Variants in ADPRHL1 observed in about 807,000 individuals in gnomAD.
ADPRHL1 encodes the protein inactive ADP-ribosyltransferase ARH2.
In ADPRHL1, 43 loss-of-function variants were observed where a neutral mutation model predicts 44.1. The observed-to-expected ratio is 0.98, with a 90% confidence interval of 0.76 to 1.26. The LOEUF (loss-of-function observed/expected upper bound fraction) is 1.26, where lower values mean the gene tolerates loss of function less well. Ranked by LOEUF, ADPRHL1 falls within the 50% of genes most tolerant of loss-of-function variation. The pLI is 0.00. For synonymous variants in ADPRHL1, 878 were observed against 1,017.4 expected (o/e 0.86, Z 2.61); for missense variants, 2,022 against 2,496.9 (o/e 0.81, Z 4.05).
Position 113,425,187 on chromosome 13 carries a change from T to C in ADPRHL1, c.647-8A>G. The C allele has an allele frequency of 7.5e-7, 1 of 1,335,698 alleles. No individual in the cohort carries two copies. Among genetic ancestry groups the C allele is most frequent in the Non-Finnish European group, 9.8e-7 (1 of 1,017,432 alleles). The allele number at this position is 1,335,698 out of a possible 1,614,324, so 82.7% of individuals were successfully genotyped here. On this transcript the variant is annotated splice_region_variant and splice_polypyrimidine_tract_variant and intron_variant, in intron 4 of 7. Coordinates refer to ENST00000612156, the MANE Select transcript of ADPRHL1 (RefSeq NM_001394807.1). The stretch of plus-strand genomic sequence containing the variant: ...ACCAGTGCTCCTGGTATTCTAAACA[T>C]AAAGAACAAGGGGAGCTGAACACAA...
At chr13:113,410,483 G>A (rs990981977) in intron 7 of ADPRHL1, among the ~76,000 whole-genome samples, 15 of 152,334 alleles carry the variant, frequency 9.8e-5, no homozygotes, top group African/African-American at 2.9e-4. Context: ...ACATTTACAC[G>A]AAAACTAAAC....
intron 2 of ADPRHL1, among the ~76,000 whole-genome samples, chr13:113,439,398 C>T (rs1245124868): frequency 1.3e-5 from 2 of 151,574 alleles, no homozygotes; most frequent in Admixed American, 1.3e-4. Flanking sequence ...ACTGGGATCA[C>T]GGGTGTGAGC....
chr13:113,446,692 T>C (rs1189555764), intron 1 of ADPRHL1, among the ~76,000 whole-genome samples: 1 of 152,102 alleles, frequency 6.6e-6, no homozygotes, highest in East Asian at 1.9e-4. Context: ...TGGTATTGTC[T>C]GTCCTGCATG....
In ADPRHL1 at chr13:113,400,405, A is replaced by C. The variant is rs533215686; in HGVS notation, c.*2973T>G. The C allele has an allele frequency of 1.3e-5, 2 of 151,020 alleles. No individual in the cohort carries two copies. Among genetic ancestry groups the C allele is most frequent in the East Asian group, 3.9e-4 (2 of 5,158 alleles). The allele number at this position is 151,020 out of a possible 1,614,324, so 9.4% of individuals were successfully genotyped here. On this transcript the variant is annotated 3_prime_UTR_variant, in exon 8 of 8. Transcript: ENST00000612156. ...GTGATCTGTCTGCCTCGGCCTCCCA[A>C]AGTGCTGGGATTACAGGCATGAGCC... is the stretch of plus-strand genomic sequence containing the variant.
At chr13:113,417,485 C>T (rs1013952644) in intron 7 of ADPRHL1, among the ~76,000 whole-genome samples, 10 of 152,290 alleles carry the variant, frequency 6.6e-5, no homozygotes, top group South Asian at 2.1e-4. Flanking sequence ...CCAGATCAGG[C>T]GCAGTCCCTG....
chr13:113,448,887 GT>G (rs2044160317), intron 1 of ADPRHL1: 1 of 956,358 alleles, frequency 1.0e-6, no homozygotes, highest in African/African-American at 1.8e-5. Context: ...CACTTCCCCA[GT>G]TTTCCCAGGG....
chr13:113,400,258 G>T lies in ADPRHL1; in HGVS notation c.*3120C>A, dbSNP rs1342248568. On this transcript the variant is annotated 3_prime_UTR_variant, in exon 8 of 8. Transcript: ENST00000612156. Reference sequence around the variant, plus strand: ...CCTCCCGGGTTCACGCCATTCTCCTGTCTCAGGCTCCCGAGTAGCTGGGAC... The same window carrying T: ...CCTCCCGGGTTCACGCCATTCTCCTTTCTCAGGCTCCCGAGTAGCTGGGAC... 2.1e-5 allele frequency: 3 copies of T among 146,308 alleles called. No individual in the cohort carries two copies. Among genetic ancestry groups the T allele is most frequent in the African/African-American group, 7.6e-5 (3 of 39,610 alleles). The allele number at this position is 146,308 out of a possible 1,614,324, so 9.1% of individuals were successfully genotyped here. A position where few individuals can be genotyped will look rare whatever the true frequency, so the allele number is the denominator to read the frequency against.
chr13:113,410,573 G>A (rs760011277), intron 7 of ADPRHL1, among the ~76,000 whole-genome samples: 8 of 152,330 alleles, frequency 5.3e-5, no homozygotes, highest in South Asian at 2.1e-4. Flanking sequence ...GCAGCTGTGC[G>A]TCCTGCTGCC....
rs1057399084 is a variant in ADPRHL1 at position 113,441,943 on chromosome 13, G to A, written c.379+2482C>T. ...CTCCACCGTGCTGGTCCGTGTCTCT[G>A]TCACGTTGTGTCCCGCCACGCGGCG... On this transcript the variant is annotated intron_variant, in intron 2 of 7. Transcript: ENST00000612156. This position sits in a 1 kb window ranked among gnomAD's most constrained non-coding sequence, Gnocchi z 6.0. Among the ~76,000 whole-genome samples the A allele has an allele frequency of 2.0e-5, 3 of 152,212 alleles. No homozygotes were observed. The highest frequency in any genetic ancestry group is 7.2e-5 in the African/African-American group (3 of 41,462).
In ADPRHL1 at chr13:113,400,801, G is replaced by T. The variant is rs1195086984; in HGVS notation, c.*2577C>A. 2 of 152,208 alleles carry T rather than the reference G, an allele frequency of 1.3e-5. No homozygotes were observed. Among genetic ancestry groups the T allele is most frequent in the Non-Finnish European group, 2.9e-5 (2 of 68,054 alleles). 9.4% of individuals were successfully genotyped at this position (152,208 alleles called of 1,614,324 possible). On this transcript the variant is annotated 3_prime_UTR_variant, in exon 8 of 8. Coordinates refer to ENST00000612156, the MANE Select transcript of ADPRHL1 (RefSeq NM_001394807.1). ...TGGAGAGGACGGGCCAGTCGAGCAG[G>T]TGGCCTCCTGGCCGCTCACAGACTC...
At chr13:113,449,376 A>AGC (rs1362337099) in intron 1 of ADPRHL1, 1 of 201,174 alleles carries the variant, frequency 5.0e-6, no homozygotes, top group African/African-American at 3.1e-5. Context: ...GGAAGGAGGG[A>AGC]CCCTGTTCAG....
intron 7 of ADPRHL1, among the ~76,000 whole-genome samples, chr13:113,408,848 A>AGAGGAGGGGAGGAG (rs2043828401): frequency 8.5e-6 from 1 of 117,390 alleles, no homozygotes; most frequent in African/African-American, 3.5e-5. Flanking sequence ...GCAGGGGAGG[A>AGAGGAGGGGAGGAG]GGGGGCTGCA....
intron 1 of ADPRHL1, among the ~76,000 whole-genome samples, chr13:113,450,756 T>G (rs888030414): frequency 3.3e-5 from 5 of 152,170 alleles, no homozygotes; most frequent in Non-Finnish European, 7.3e-5. Context: ...TTCACTAATT[T>G]ACTACTGCTA....
chr13:113,408,345 G>C, intron 7 of ADPRHL1, 125 bp from the exon 8 acceptor site: 3 of 996,228 alleles, frequency 3.0e-6, no homozygotes, highest in South Asian at 5.3e-5. Flanking sequence ...GGGAGAAAAA[G>C]AGATTAGGAG....
chr13:113,429,621 C>T (rs1262397253), intron 3 of ADPRHL1, among the ~76,000 whole-genome samples: 2 of 152,242 alleles, frequency 1.3e-5, no homozygotes, highest in African/African-American at 2.4e-5. Context: ...TCACGTAGAC[C>T]TTTAGCATCC....
rs9577273 is a variant in ADPRHL1, at chr13:113,453,418, G to C, written c.20C>G (p.Ala7Gly). 6.2e-7 allele frequency: 1 copy of C among 1,614,058 alleles called. No homozygotes were observed. The highest frequency in any genetic ancestry group is 1.7e-5 in the Admixed American group (1 of 60,016). Residue 7 changes from alanine (A) to glycine (G), a missense_variant, in exon 1 of 8, where the codon GCG becomes GGG. Around this residue, in one of 8 missense-constraint regions of ADPRHL1, gnomAD observed 437 missense variants for 430.7 expected, o/e 1.01. Transcript: ENST00000612156. This position sits in a 1 kb window ranked among gnomAD's most constrained non-coding sequence, Gnocchi z 5.4. MEKFKA[A>G]MLLGSVGDAL... Reference sequence around the variant, plus strand: ...ATCGCCGACGCTCCCCAGCAACATCGCAGCCTTAAATTTCTCCATCCCAGG... The same window carrying C: ...ATCGCCGACGCTCCCCAGCAACATCCCAGCCTTAAATTTCTCCATCCCAGG...
At chr13:113,412,514 T>C (rs1256551533) in intron 7 of ADPRHL1, among the ~76,000 whole-genome samples, 2 of 152,232 alleles carry the variant, frequency 1.3e-5, no homozygotes, top group Non-Finnish European at 2.9e-5. Flanking sequence ...AGTGCACTTT[T>C]CAACAAGTCA....
rs766086834 is a variant in ADPRHL1, at chr13:113,429,098, G to C, written c.506-6C>G. On this transcript the variant is annotated splice_region_variant and splice_polypyrimidine_tract_variant and intron_variant, in intron 3 of 7. Transcript: ENST00000612156. ...GCACAGGGAGCCCAGGAAGCCTGGA[G>C]GGCAGGGAAGAGAGAGGGGGCACCA... 6.3e-7 allele frequency: 1 copy of C among 1,588,850 alleles called. No individual in the cohort carries two copies. Among genetic ancestry groups the C allele is most frequent in the Non-Finnish European group, 8.6e-7 (1 of 1,167,074 alleles).
chr13:113,406,032 C>T lies in ADPRHL1; in HGVS notation c.3250G>A (p.Ala1084Thr). ...LIESSQPLKAAEEITSHDVRE... is the reference protein window; with the variant it reads ...LIESSQPLKATEEITSHDVRE... ...ACATCATGGCTGGTGATTTCCTCGG[C>T]AGCCTTCAGGGGCTGAGAAGACTCT... Residue 1084 changes from alanine (A) to threonine (T), a missense_variant, in exon 8 of 8, where the codon GCC becomes ACC. Physicochemically the swap from Ala to Thr is moderately conservative, Grantham distance 58 (BLOSUM62 0). This residue lies in a region of ADPRHL1 where 1,221 missense variants were observed against 1,517.8 expected (regional missense o/e 0.80). Coordinates refer to ENST00000612156, the MANE Select transcript of ADPRHL1 (RefSeq NM_001394807.1). 2 of 1,232,136 alleles carry T rather than the reference C, an allele frequency of 1.6e-6. No homozygotes were observed. Among genetic ancestry groups the T allele is most frequent in the Non-Finnish European group, 1.0e-6 (1 of 988,030 alleles). The allele number at this position is 1,232,136 out of a possible 1,614,324, so 76.3% of individuals were successfully genotyped here.
Sources: gnomAD v4.1 joint callset for allele counts (sites outside exome capture counted in the v4.1 genomes callset) on GRCh38, gnomAD v4.1.1 for gene constraint, gnomAD v4.1.1 regional missense constraint, Gnocchi (gnomAD v3.1) non-coding constraint, MANE v1.5 for transcripts, NCBI Gene and HGNC (gene_info 2026-07-23, HGNC 2026-07-21) for gene names.